The following SLC5A4 variants were observed in gnomAD, a reference collection of about 807,000 sequenced individuals.
The protein encoded by SLC5A4 is solute carrier family 5 member 4, also known as probable glucose sensor protein SLC5A4.
In SLC5A4, 55 loss-of-function variants were observed where a neutral mutation model predicts 70.3. That is an observed-to-expected ratio of 0.78 (90% CI 0.63 to 0.98). The LOEUF is 0.98. Ranked by LOEUF, SLC5A4 falls within the 50% of genes least tolerant of loss-of-function variation. The pLI is 0.00. For missense variants in SLC5A4, 735 were observed against 839.2 expected, an observed-to-expected ratio of 0.88 and a Z score of 1.53; for synonymous variants, 268 against 305.7, an observed-to-expected ratio of 0.88 and a Z score of 1.29.
rs78144589 is a variant in SLC5A4, at chr22:32,218,726, C to T, written c.1769-1G>A. On this transcript the variant is annotated splice_acceptor_variant, in intron 14 of 14. Transcript: ENST00000266086. LOFTEE classifies it high-confidence loss of function. ...CATCCACGTGATTTCTCAGGATAAT[C>T]TGGAACAAAGATAAGCAAATGATTG... The T allele has an allele frequency of 7.5e-5, 121 of 1,612,374 alleles. No individual in the cohort carries two copies. In the East Asian group the frequency reaches 2.6e-3, roughly 34 times the overall value.
chr22:32,218,625 C>T lies in SLC5A4; in HGVS notation c.1869G>A (p.Leu623=). The change falls in exon 15 of 15, where the codon TTG becomes TTA. Residue 623 remains leucine, a synonymous_variant. Transcript: ENST00000266086. The part of the protein sequence containing the change: ...PKLTKEEEEA[L]SKKLTDTSER... ...CAGACGTGTCTGTGAGCTTCTTGCT[C>T]AAGGCTTCCTCCTCCTCCTTGGTTA... 6.2e-7 allele frequency: 1 copy of T among 1,613,932 alleles called. No homozygotes were observed. Among genetic ancestry groups the T allele is most frequent in the Non-Finnish European group, 8.5e-7 (1 of 1,179,972 alleles).
the SLC5A4 span, among the ~76,000 whole-genome samples, chr22:32,328,860 CCTCTA>C: frequency 1.3e-5 from 2 of 152,170 alleles, no homozygotes; most frequent in African/African-American, 4.8e-5. Context: ...TCTGGACATC[CCTCTA>C]CTCTACCCTC....
rs1419210884 is a variant in SLC5A4, at chr22:32,239,302, G to T, written c.478-212C>A. On this transcript the variant is annotated intron_variant, in intron 5 of 14. Transcript: ENST00000266086. ...CACTCTCTTCTGTAGTCGCATAGAA[G>T]TTAGTTCATTGCTCAGTTGAGGTGC... Among the ~76,000 whole-genome samples, 3 of 151,210 alleles carry T rather than the reference G, an allele frequency of 2.0e-5. No homozygotes were observed. In the East Asian group the frequency reaches 5.9e-4, roughly 30 times the overall value.
the SLC5A4 span, chr22:32,268,280 T>C: frequency 6.6e-6 from 1 of 152,280 alleles, no homozygotes; most frequent in East Asian, 1.9e-4. Flanking sequence ...ATGTACATTT[T>C]TCCATAGAGA....
the SLC5A4 span, among the ~76,000 whole-genome samples, chr22:32,326,030 C>A: frequency 6.6e-6 from 1 of 152,222 alleles, no homozygotes; most frequent in Middle Eastern, 3.2e-3. Context: ...GGGCTGGTAC[C>A]TGCAACCTAA....
chr22:32,318,512 C>G, the SLC5A4 span, among the ~76,000 whole-genome samples: 40 of 152,308 alleles, frequency 2.6e-4, no homozygotes, highest in African/African-American at 9.4e-4. Context: ...CTGGAGTCAT[C>G]TTTGACCCCT....
chr22:32,318,707 GA>G, the SLC5A4 span, among the ~76,000 whole-genome samples: 2 of 152,176 alleles, frequency 1.3e-5, no homozygotes, highest in Admixed American at 6.5e-5. Context: ...ACAGCAGCCA[GA>G]GAAGCCCTGT....
the SLC5A4 span, among the ~76,000 whole-genome samples, chr22:32,292,963 C>A: frequency 6.6e-6 from 1 of 152,090 alleles, no homozygotes; most frequent in Non-Finnish European, 1.5e-5. Context: ...TCAGTAGGTG[C>A]CTACCAATTT....
At chr22:32,260,687 C>T in the SLC5A4 span, among the ~76,000 whole-genome samples, 5 of 152,006 alleles carry the variant, frequency 3.3e-5, no homozygotes, top group African/African-American at 7.2e-5. Flanking sequence ...ATGAGGTCTA[C>T]GAGAGGAGTT....
the SLC5A4 span, among the ~76,000 whole-genome samples, chr22:32,315,671 T>C: frequency 6.6e-6 from 1 of 151,484 alleles, no homozygotes; most frequent in Non-Finnish European, 1.5e-5. Context: ...AGAGACCGTA[T>C]GGTGAAAACT....
At chr22:32,300,448 T>C in the SLC5A4 span, among the ~76,000 whole-genome samples, 1 of 152,172 alleles carries the variant, frequency 6.6e-6, no homozygotes, top group African/African-American at 2.4e-5. Flanking sequence ...ACCCCTTTCT[T>C]TGACTCAGAA....
At chr22:32,244,293 G>T (rs1272812419) in intron 5 of SLC5A4, among the ~76,000 whole-genome samples, 1 of 152,180 alleles carries the variant, frequency 6.6e-6, no homozygotes, top group Non-Finnish European at 1.5e-5. Context: ...TGCCACGTGT[G>T]ATATCTGCCT....
intron 5 of SLC5A4, among the ~76,000 whole-genome samples, chr22:32,245,395 TCC>T (rs990108055): frequency 2.0e-5 from 3 of 152,142 alleles, no homozygotes; most frequent in Non-Finnish European, 2.9e-5. Flanking sequence ...CAACATTCTG[TCC>T]CTCCCCATCC....
the SLC5A4 span, among the ~76,000 whole-genome samples, chr22:32,266,158 T>C: frequency 6.6e-6 from 1 of 152,162 alleles, no homozygotes; most frequent in Non-Finnish European, 1.5e-5. Context: ...TTTAAACTAG[T>C]ATAATTTATA....
chr22:32,317,971 T>A, the SLC5A4 span, among the ~76,000 whole-genome samples: 1 of 152,170 alleles, frequency 6.6e-6, no homozygotes, highest in African/African-American at 2.4e-5. Flanking sequence ...CTTGTCAAGG[T>A]CACCAAAGAC....
chr22:32,305,833 TC>T, the SLC5A4 span, among the ~76,000 whole-genome samples: 1 of 151,314 alleles, frequency 6.6e-6, no homozygotes, highest in African/African-American at 2.4e-5. Flanking sequence ...ATTGGCCCTG[TC>T]CCCCCACCCC....
chr22:32,331,001 T>A, the SLC5A4 span, among the ~76,000 whole-genome samples: 660 of 2,438 alleles, frequency 0.27, 30 homozygotes, highest in African/African-American at 0.28. Flanking sequence ...CTCTGGTGTG[T>A]GTGTTGGGGG....
At chr22:32,315,444 C>T in the SLC5A4 span, among the ~76,000 whole-genome samples, 987 of 151,940 alleles carry the variant, frequency 6.5e-3, 9 homozygotes, top group African/African-American at 0.023. Context: ...AAATAATCAA[C>T]TAAAATAACT....
intron 8 of SLC5A4, 37 bp from the exon 9 acceptor site, chr22:32,233,071 AG>A (rs1925856761): frequency 1.3e-6 from 2 of 1,592,880 alleles, no homozygotes; most frequent in African/African-American, 2.7e-5. Flanking sequence ...GAAACAAGCC[AG>A]GGGATGATTT....
Sources: allele counts gnomAD v4.1 joint callset (sites outside exome capture counted in the v4.1 genomes callset), GRCh38; gene constraint gnomAD v4.1.1; transcripts MANE v1.5; gene names NCBI Gene and HGNC (gene_info 2026-07-23, HGNC 2026-07-21).